The following ADGRL3 variants were observed in gnomAD, a reference collection of about 807,000 sequenced individuals.
ADGRL3 encodes the protein calcium-independent alpha-latrotoxin receptor 3.
ADGRL3 carries 62 observed loss-of-function variants against 153.5 expected under a neutral mutation model. That is an observed-to-expected ratio of 0.40 (90% confidence interval 0.33 to 0.50). The LOEUF is 0.50. Among genes scored for constraint, ADGRL3 ranks in the 20% least tolerant of loss-of-function variants. The pLI, the probability that ADGRL3 is intolerant of heterozygous loss-of-function variation, is 0.47. For missense variants in ADGRL3, 1,641 were observed against 1,859.4 expected (o/e 0.88, Z 2.16); for synonymous variants, 710 against 672.5 (o/e 1.06, Z -0.86).
chr4:61,808,463 A>G (rs1439086573), intron 8 of ADGRL3, among the ~76,000 whole-genome samples: 1 of 152,172 alleles, frequency 6.6e-6, no homozygotes, highest in Non-Finnish European at 1.5e-5. Context: ...ATACTTCACT[A>G]AATTCACTGC....
intron 9 of ADGRL3, among the ~76,000 whole-genome samples, chr4:61,864,702 C>G (rs1485740058): frequency 6.6e-6 from 1 of 152,270 alleles, no homozygotes; most frequent in East Asian, 1.9e-4. Context: ...CCAGCAGAAA[C>G]TGGAGCAAAT....
Position 61,892,671 on chromosome 4 carries a change from G to A in ADGRL3, c.1496G>A (p.Gly499Glu), listed in dbSNP as rs772669029. 3 of 1,613,830 alleles carry A rather than the reference G, an allele frequency of 1.9e-6. No individual in the cohort carries two copies. Among genetic ancestry groups the A allele is most frequent in the Non-Finnish European group, 2.5e-6 (3 of 1,179,812 alleles). Residue 499 changes from glycine to glutamate, a missense_variant, in exon 10 of 27, where the codon GGA becomes GAA. By Grantham distance (98) the Gly-to-Glu change is moderately conservative. Transcript: ENST00000683033. ...TTTATTTCAGATATCTCTACCACAG[G>A]ACCTCTTGGCATGGGAAGCACTACC... ...RPSVKDISTT[G>E]PLGMGSTTTS...
Position 61,444,947 on chromosome 4 carries a change from G to A in ADGRL3, c.-173-52174G>A, listed in dbSNP as rs7672981. Among the ~76,000 whole-genome samples, 485 of 152,144 alleles carry A rather than the reference G, an allele frequency of 3.2e-3. 5 individuals carry two copies. Among genetic ancestry groups the A allele is most frequent in the African/African-American group, 0.011 (437 of 41,502 alleles). ...GTACGCCTGTAGTCCCAGCTACTCG[G>A]AGACTGGGGTGGAAGGATCGCTTGA... On this transcript the variant is annotated intron_variant, in intron 2 of 26. Coordinates refer to ENST00000683033, the MANE Select transcript of ADGRL3 (RefSeq NM_001387552.1).
chr4:62,021,142 T>C (rs892574674), intron 21 of ADGRL3, among the ~76,000 whole-genome samples: 5 of 151,994 alleles, frequency 3.3e-5, no homozygotes, highest in African/African-American at 1.2e-4. Flanking sequence ...TTTTTTGAGG[T>C]CCGAAGGTCA....
intron 1 of ADGRL3, among the ~76,000 whole-genome samples, chr4:61,207,136 G>T (rs1441733616): frequency 6.6e-6 from 1 of 151,992 alleles, no homozygotes; most frequent in African/African-American, 2.4e-5. Context: ...TGCCATGGTG[G>T]TTTGCTGCAC....
chr4:61,869,783 A>G (rs1367852457), intron 9 of ADGRL3, among the ~76,000 whole-genome samples: 2 of 151,118 alleles, frequency 1.3e-5, no homozygotes, highest in Non-Finnish European at 3.0e-5. Flanking sequence ...TACTAAAAAT[A>G]CAAAATTGGC....
At chr4:61,282,440 T>G (rs1306513394) in intron 1 of ADGRL3, among the ~76,000 whole-genome samples, 2 of 152,086 alleles carry the variant, frequency 1.3e-5, no homozygotes, top group African/African-American at 4.8e-5. Context: ...TTTGTAACTA[T>G]TTTAATATTC....
chr4:61,329,797 A>G (rs759596210), intron 1 of ADGRL3, among the ~76,000 whole-genome samples: 11 of 152,218 alleles, frequency 7.2e-5, no homozygotes, highest in Non-Finnish European at 1.5e-4. Flanking sequence ...TTTAATATAA[A>G]CAATGCTGTG....
At chr4:61,966,360 T>C (rs2099006662) in intron 17 of ADGRL3, among the ~76,000 whole-genome samples, 1 of 152,174 alleles carries the variant, frequency 6.6e-6, no homozygotes, top group African/African-American at 2.4e-5. Context: ...TCTAATTCTG[T>C]TCCTCTATGA....
At chr4:61,692,088 A>G (rs1027225350) in intron 6 of ADGRL3, among the ~76,000 whole-genome samples, 1 of 152,190 alleles carries the variant, frequency 6.6e-6, no homozygotes, top group Non-Finnish European at 1.5e-5. Flanking sequence ...CAGAAAAGGA[A>G]GAGAAATTGC....
At chr4:61,673,905 A>C (rs543187539) in intron 5 of ADGRL3, among the ~76,000 whole-genome samples, 1 of 151,132 alleles carries the variant, frequency 6.6e-6, no homozygotes, top group Admixed American at 6.6e-5. Context: ...GATGATAATA[A>C]CTATAAATAT....
chr4:61,297,289 G>T (rs1384103639), intron 1 of ADGRL3, among the ~76,000 whole-genome samples: 2 of 151,904 alleles, frequency 1.3e-5, no homozygotes, highest in Admixed American at 6.6e-5. Flanking sequence ...AACCTTTTTG[G>T]GGGTGTCTGT....
intron 1 of ADGRL3, among the ~76,000 whole-genome samples, chr4:61,216,593 G>A (rs1311844356): frequency 3.3e-5 from 5 of 151,562 alleles, no homozygotes; most frequent in Admixed American, 1.3e-4. Flanking sequence ...ACATTAAATT[G>A]TATTTAGTTC....
intron 9 of ADGRL3, among the ~76,000 whole-genome samples, chr4:61,848,763 T>A (rs2098167418): frequency 6.6e-6 from 1 of 152,190 alleles, no homozygotes; most frequent in South Asian, 2.1e-4. Flanking sequence ...ATAAATTAAA[T>A]GATCAAACTT....
In ADGRL3 at chr4:62,070,460, T is replaced by G; in HGVS notation, c.4184T>G (p.Ile1395Ser). The change falls in exon 27 of 27, where the codon ATT becomes AGT. Residue 1395 changes from isoleucine (I) to serine (S), a missense_variant. By Grantham distance (142) the Ile-to-Ser change is moderately radical (BLOSUM62 -2). This residue lies in a region of ADGRL3 where 517 missense variants were observed against 555.0 expected (regional missense o/e 0.93). Transcript: ENST00000683033. Reference protein sequence around the residue: ...NHEESLGLELIHEESDAPLLP... With the variant: ...NHEESLGLELSHEESDAPLLP... The stretch of plus-strand genomic sequence containing the variant: ...GAGGAGAGTTTGGGCCTGGAACTCA[T>G]TCATGAGGAATCTGATGCTCCTTTG... 1 of 1,551,410 alleles carries G rather than the reference T, an allele frequency of 6.4e-7. No homozygotes were observed. The highest frequency in any genetic ancestry group is 8.7e-7 in the Non-Finnish European group (1 of 1,146,928).
intron 4 of ADGRL3, among the ~76,000 whole-genome samples, chr4:61,548,005 G>A (rs1173313250): frequency 1.3e-5 from 2 of 151,932 alleles, no homozygotes; most frequent in African/African-American, 2.4e-5. Flanking sequence ...GTGATGTTGA[G>A]TATTTTTTCA....
At chr4:61,725,081 T>G (rs2151704816) in intron 6 of ADGRL3, among the ~76,000 whole-genome samples, 1 of 152,322 alleles carries the variant, frequency 6.6e-6, no homozygotes, top group African/African-American at 2.4e-5. Flanking sequence ...ATTTAGTCAT[T>G]GCACAAAGCA....
chr4:61,545,538 G>A (rs1429550923), intron 4 of ADGRL3, among the ~76,000 whole-genome samples: 2 of 152,154 alleles, frequency 1.3e-5, no homozygotes, highest in Admixed American at 6.5e-5. Context: ...CTCCTTCTCT[G>A]AGTCTCACTC....
At chr4:61,678,905 A>T (rs114281314) in intron 6 of ADGRL3, among the ~76,000 whole-genome samples, 3,406 of 152,196 alleles carry the variant, frequency 0.022, 58 homozygotes, top group Middle Eastern at 0.051. Context: ...AATCCAAAAG[A>T]AAGTATAAAT....
Sources: allele counts gnomAD v4.1 joint callset (sites outside exome capture counted in the v4.1 genomes callset), GRCh38; gene constraint gnomAD v4.1.1; regional missense constraint gnomAD v4.1.1; transcripts MANE v1.5; gene names NCBI Gene and HGNC (gene_info 2026-07-23, HGNC 2026-07-21).